ABCB8: variants seen among roughly 807,000 people sequenced by gnomAD.
The protein encoded by ABCB8 is mitochondrial potassium channel ATP-binding subunit.
A neutral mutation model predicts 73.0 loss-of-function variants in ABCB8; 52 were observed. That is an observed-to-expected ratio of 0.71 (90% CI 0.57 to 0.90). The LOEUF is 0.90. Ranked by LOEUF, ABCB8 falls within the 40% of genes least tolerant of loss-of-function variation. The probability of loss-of-function intolerance (pLI) is 0.00; values close to 1 mark genes in which losing one functional copy is unlikely to be tolerated. For synonymous variants in ABCB8, 428 were observed against 423.5 expected (o/e 1.01, Z -0.13); for missense variants, 909 against 974.6 (o/e 0.93, Z 0.90).
rs1796233469 is a variant in ABCB8 at position 151,033,920 on chromosome 7, G to A, written c.408+3G>A. The A allele has an allele frequency of 4.4e-6, 7 of 1,583,244 alleles. No individual in the cohort carries two copies. In the East Asian group the frequency reaches 1.6e-4, roughly 36 times the overall value. On this transcript the variant is annotated splice_donor_region_variant and intron_variant, in intron 2 of 15. Coordinates refer to ENST00000358849, the MANE Select transcript of ABCB8 (RefSeq NM_007188.5). ...TGGTCCTGGGGGTAGCCGTCGTGGTGAGGCTTTCCCCACTTCTCCATCCTG... is the reference window on the plus strand; with the variant it reads ...TGGTCCTGGGGGTAGCCGTCGTGGTAAGGCTTTCCCCACTTCTCCATCCTG...
intron 8 of ABCB8, 52 bp downstream of exon 8, chr7:151,036,222 T>C: frequency 6.5e-7 from 1 of 1,531,152 alleles, no homozygotes; most frequent in Non-Finnish European, 8.9e-7. Flanking sequence ...GGGGAGGAGC[T>C]GGGAGCAGCC....
rs1796331362 is a variant in ABCB8, at chr7:151,037,118, C to A, written c.1217+469C>A. The A allele has an allele frequency of 4.3e-6, 3 of 701,902 alleles. No individual in the cohort carries two copies. The Admixed American group carries it at 6.0e-5, about 14-fold the overall frequency. 43.5% of individuals were successfully genotyped at this position (701,902 alleles called of 1,614,324 possible). ...GGAATCCCCATTTGCCCTCCCCCAG[C>A]CCCTGGCACCCACCATTCCACTTTC... On this transcript the variant is annotated intron_variant, in intron 9 of 15. Transcript: ENST00000358849.
intron 1 of ABCB8, chr7:151,031,727 G>A (rs1402116652): frequency 6.5e-6 from 1 of 153,114 alleles, no homozygotes; most frequent in Non-Finnish European, 1.5e-5. Flanking sequence ...CTCCTCCCAG[G>A]TTCAAGTGAT....
chr7:151,037,596 G>T, intron 9 of ABCB8: 1 of 444,826 alleles, frequency 2.2e-6, no homozygotes, highest in Non-Finnish European at 4.2e-6. Flanking sequence ...TCATCAAAGG[G>T]TGAAGACCCG....
Position 151,028,506 on chromosome 7 carries a change from CCG to C in ABCB8, c.-7_-6del, listed in dbSNP as rs1796031348. ...GCTATTGCCGGCGGCTCCTGTTTTACCGCGTCAGCATGCTGGTGCATTTATTT... is the reference window on the plus strand; with the variant it reads ...GCTATTGCCGGCGGCTCCTGTTTTACCGTCAGCATGCTGGTGCATTTATTT... On this transcript the variant is annotated 5_prime_UTR_variant, in exon 1 of 16. Coordinates refer to ENST00000358849, the MANE Select transcript of ABCB8 (RefSeq NM_007188.5). The C allele has an allele frequency of 6.2e-7, 1 of 1,611,212 alleles. No individual in the cohort carries two copies. The highest frequency in any genetic ancestry group is 1.7e-5 in the Admixed American group (1 of 59,610).
rs1049808827 is a variant in ABCB8, at chr7:151,034,686, C to T, written c.660-38C>T. 4.3e-6 allele frequency: 7 copies of T among 1,609,250 alleles called. No homozygotes were observed. In the Admixed American group the frequency reaches 6.7e-5, roughly 15 times the overall value. ...GACCTTATCCTGAAGTAATGTCTCC[C>T]TCTTCTGCCCTCCTTATTGGTTCTT... On this transcript the variant is annotated intron_variant, in intron 4 of 15. Coordinates refer to ENST00000358849, the MANE Select transcript of ABCB8 (RefSeq NM_007188.5).
rs1376441971 is a variant in ABCB8, at chr7:151,028,621, A to G, written c.95+11A>G. 9.3e-6 allele frequency: 15 copies of G among 1,612,374 alleles called. No individual in the cohort carries two copies. Among genetic ancestry groups the G allele is most frequent in the Non-Finnish European group, 1.3e-5 (15 of 1,179,810 alleles). On this transcript the variant is annotated intron_variant, in intron 1 of 15. Transcript: ENST00000358849. ...ATTCTCAGCTGTCAGGTAAAAACGGAAAAACCTACTCAGAGCGGGCCATTG... is the reference window on the plus strand; with the variant it reads ...ATTCTCAGCTGTCAGGTAAAAACGGGAAAACCTACTCAGAGCGGGCCATTG...
At chr7:151,040,188 C>A (rs1443661748) in intron 9 of ABCB8, 80 bp from the exon 10 acceptor site, 7 of 1,534,870 alleles carry the variant, frequency 4.6e-6, no homozygotes, top group Non-Finnish European at 6.2e-6. Flanking sequence ...CCTTGCTCCC[C>A]CGCCCCACCG....
intron 9 of ABCB8, chr7:151,037,009 T>C: frequency 1.5e-6 from 1 of 687,230 alleles, no homozygotes; most frequent in Non-Finnish European, 2.7e-6. Flanking sequence ...GGGCAGTGGG[T>C]GCACTCACAT....
At chr7:151,034,251 G>T (rs2303923) in intron 2 of ABCB8, 22 bp from the exon 3 acceptor site, 4 of 1,596,264 alleles carry the variant, frequency 2.5e-6, no homozygotes, top group African/African-American at 1.3e-5. Flanking sequence ...AAACATTTGT[G>T]CCCTCTGTCT....
At chr7:151,043,900 A>G (rs1376587338) in intron 14 of ABCB8, 71 bp from the exon 15 acceptor site, 1 of 1,582,048 alleles carries the variant, frequency 6.3e-7, no homozygotes, top group South Asian at 1.1e-5. Flanking sequence ...TTCAGGAAGG[A>G]CCCTGTGCCC....
chr7:151,042,748 ACTT>A (rs1584958039), intron 14 of ABCB8, among the ~76,000 whole-genome samples: 1 of 152,254 alleles, frequency 6.6e-6, no homozygotes, highest in East Asian at 1.9e-4. Context: ...GTGTTTCAGC[ACTT>A]CTCAGGATAC....
At position 151,034,728 on chromosome 7, in the gene ABCB8, G is replaced by A. The variant is rs61734192; in HGVS notation, c.664G>A (p.Asp222Asn). ...TTGGTTCTTGTCCCATGCCAGACAA[G>A]ACATCACCTTCTTTGACGCCAATAA... ...RALFSSLLRQDITFFDANKTG... is the reference protein window; with the variant it reads ...RALFSSLLRQNITFFDANKTG... Residue 222 changes from aspartate to asparagine, a missense_variant, in exon 5 of 16, where the codon GAC (aspartate) becomes AAC (asparagine). Coordinates refer to ENST00000358849, the MANE Select transcript of ABCB8 (RefSeq NM_007188.5). 3.7e-6 allele frequency: 6 copies of A among 1,613,918 alleles called. No homozygotes were observed. The highest frequency in any genetic ancestry group is 5.1e-6 in the Non-Finnish European group (6 of 1,179,932).
intron 1 of ABCB8, among the ~76,000 whole-genome samples, chr7:151,032,472 G>T (rs148447324): frequency 0.016 from 2,414 of 152,244 alleles, 43 homozygotes; most frequent in African/African-American, 0.053. Flanking sequence ...GAGGCAGGTG[G>T]ATCATGAGGT....
chr7:151,042,235 G>A, intron 14 of ABCB8, 127 bp downstream of exon 14: 1 of 1,407,760 alleles, frequency 7.1e-7, no homozygotes, highest in Non-Finnish European at 9.6e-7. Context: ...AGTTGTGTCA[G>A]GGAAGACGAG....
rs1342554470 is a variant in ABCB8, at chr7:151,035,800, C to A, written c.927+58C>A. On this transcript the variant is annotated intron_variant, in intron 6 of 15. Transcript: ENST00000358849. ...CCCCACACCGTTTCTCTTTCCACTC[C>A]CCGGAACTCCTCCCTGTCCCCATCC... 1.9e-6 allele frequency: 3 copies of A among 1,609,784 alleles called. No individual in the cohort carries two copies. In the African/African-American group the frequency reaches 4.0e-5, roughly 21 times the overall value.
intron 1 of ABCB8, chr7:151,032,935 C>CA (rs1796202938): frequency 2.2e-6 from 1 of 444,910 alleles, no homozygotes; most frequent in African/African-American, 2.0e-5. Flanking sequence ...GGCACACTGG[C>CA]AGAGTAGAGC....
chr7:151,038,510 A>G (rs566861932), intron 9 of ABCB8: 1 of 151,662 alleles, frequency 6.6e-6, no homozygotes, highest in East Asian at 1.9e-4. Context: ...TCCGTCTCAA[A>G]AAAAAAAAAA....
At chr7:151,033,956 A>G in intron 2 of ABCB8, 39 bp downstream of exon 2, 1 of 1,538,806 alleles carries the variant, frequency 6.5e-7, no homozygotes, top group South Asian at 1.2e-5. Flanking sequence ...GGGACAGGGC[A>G]GGACCCAGAG....
Sources: allele counts gnomAD v4.1 joint callset (sites outside exome capture counted in the v4.1 genomes callset), GRCh38; gene constraint gnomAD v4.1.1; transcripts MANE v1.5; gene names NCBI Gene and HGNC (gene_info 2026-07-23, HGNC 2026-07-21).